TELO2: variants seen among roughly 807,000 people sequenced by gnomAD.
TELO2 encodes the protein telomere maintenance 2.
Under a neutral mutation model 91.0 loss-of-function variants are expected in TELO2, and 71 were observed. That is an observed-to-expected ratio of 0.78 (90% CI 0.64 to 0.95). TELO2 has a LOEUF of 0.95. Ranked by LOEUF, TELO2 falls within the 40% of genes least tolerant of loss-of-function variation. TELO2 has a pLI of 0.00. For missense variants in TELO2, 1,183 were observed against 1,141.3 expected (o/e 1.04, Z -0.53); for synonymous variants, 584 against 518.9 (o/e 1.13, Z -1.71).
chr16:1,499,950 T>C, intron 6 of TELO2, 146 bp from the exon 7 acceptor site: 6 of 932,192 alleles, frequency 6.4e-6, no homozygotes, highest in Non-Finnish European at 9.4e-6. Flanking sequence ...GGGTCCCGCA[T>C]TCCAGGAGGC....
At chr16:1,507,791 T>TTG in intron 20 of TELO2, 75 bp downstream of exon 20, 1 of 946,612 alleles carries the variant, frequency 1.1e-6, no homozygotes, top group Non-Finnish European at 1.4e-6. Context: ...TGTGTGTGTG[T>TTG]GAGAGATGTG....
At chr16:1,504,434 A>T (rs1798383512) in intron 15 of TELO2, among the ~76,000 whole-genome samples, 1 of 85,994 alleles carries the variant, frequency 1.2e-5, no homozygotes, top group Non-Finnish European at 2.0e-5. Flanking sequence ...ACTCCATCTC[A>T]AAAAAAAAAA....
chr16:1,502,098 C>A lies in TELO2; in HGVS notation c.1524C>A (p.Ser508Arg), dbSNP rs749018550. The A allele has an allele frequency of 1.3e-5, 21 of 1,613,034 alleles. No individual in the cohort carries two copies. Among genetic ancestry groups the A allele is most frequent in the Middle Eastern group, 1.6e-4 (1 of 6,082 alleles). The change falls in exon 12 of 21, where the codon AGC becomes AGA. Residue 508 changes from serine to arginine, a missense_variant. Coordinates refer to ENST00000262319, the MANE Select transcript of TELO2 (RefSeq NM_016111.4). The stretch of plus-strand genomic sequence containing the variant: ...TGTCGGGGGACAGAGAGCTGAAGAG[C>A]AGCAAGGCTCCTGCCTACGTCCGGG... ...YDMSGDRELK[S>R]SKAPAYVRDC...
At position 1,505,536 on chromosome 16, in the gene TELO2, G is replaced by T. The variant is rs144491833; in HGVS notation, c.1969G>T (p.Val657Leu). The T allele has an allele frequency of 1.2e-6, 2 of 1,613,094 alleles. No individual in the cohort carries two copies. The highest frequency in any genetic ancestry group is 1.7e-6 in the Non-Finnish European group (2 of 1,179,974). Residue 657 changes from valine to leucine, a missense_variant, in exon 16 of 21, where the codon GTG (valine) becomes TTG (leucine). Physicochemically the swap from Val to Leu is conservative, Grantham distance 32. Coordinates refer to ENST00000262319, the MANE Select transcript of TELO2 (RefSeq NM_016111.4). The surrounding 1 kb of genome is among the most constrained non-coding windows in gnomAD (Gnocchi z 4.3). ...EAAVSQPGSA[V>L]ASDWRVVVEE... ...AGCCGTCTCTCAGCCTGGCAGTGCC[G>T]TGGCGTCTGACTGGCGGGTGGTGGT...
At position 1,494,875 on chromosome 16, in the gene TELO2, C is replaced by T. The variant is rs1489788562; in HGVS notation, c.335+259C>T. Among the ~76,000 whole-genome samples, 2 of 152,176 alleles carry T rather than the reference C, an allele frequency of 1.3e-5. No homozygotes were observed. The highest frequency in any genetic ancestry group is 2.4e-5 in the African/African-American group (1 of 41,428). ...GGGATGGGGTGGGAGTGTTCACATC[C>T]CAGGCGGCAGAGGCAGCCCGTCAGC... is the stretch of plus-strand genomic sequence containing the variant. On this transcript the variant is annotated intron_variant, in intron 2 of 20. Transcript: ENST00000262319. The surrounding 1 kb of genome is among the most constrained non-coding windows in gnomAD (Gnocchi z 5.6).
rs772446584 is a variant in TELO2, at chr16:1,505,515, GTC to G, written c.1953_1954del (p.Gln652AlafsTer8). Reference sequence around the variant, plus strand: ...CACCCCGTGCCTGCCAGAGGCAGCCGTCTCTCAGCCTGGCAGTGCCGTGGCGT... The same window carrying G: ...CACCCCGTGCCTGCCAGAGGCAGCCGTCTCAGCCTGGCAGTGCCGTGGCGT... ...PNTPCLPEAAVSQPGSAVASD... is the reference protein window; with the variant it reads ...PNTPCLPEAAXSQPGSAVASD... On this transcript the variant is annotated frameshift_variant, in exon 16 of 21. Transcript: ENST00000262319. LOFTEE classifies it high-confidence loss of function. This position sits in a 1 kb window ranked among gnomAD's most constrained non-coding sequence, Gnocchi z 4.3. The G allele has an allele frequency of 2.5e-6, 4 of 1,613,070 alleles. No homozygotes were observed. Among genetic ancestry groups the G allele is most frequent in the Non-Finnish European group, 3.4e-6 (4 of 1,179,982 alleles).
At chr16:1,508,546 G>A (rs1245759134) in intron 20 of TELO2, among the ~76,000 whole-genome samples, 3 of 152,240 alleles carry the variant, frequency 2.0e-5, no homozygotes, top group Non-Finnish European at 4.4e-5. Context: ...GGAGGGTCCC[G>A]GGTGATACGG....
chr16:1,503,083 GT>G lies in TELO2; in HGVS notation c.1842+83del. 14 of 1,519,044 alleles carry G rather than the reference GT, an allele frequency of 9.2e-6. No individual in the cohort carries two copies. In the South Asian group the frequency reaches 1.3e-4, roughly 15 times the overall value. The allele number at this position is 1,519,044 out of a possible 1,614,324, so 94.1% of individuals were successfully genotyped here. On this transcript the variant is annotated intron_variant, in intron 15 of 20. Transcript: ENST00000262319. ...GGGCTGCCAAAACCTGGGTCTCCTT[GT>G]TGCTGGGCCCCAAGGGCTCGTGCAG... is the stretch of plus-strand genomic sequence containing the variant.
At position 1,509,959 on chromosome 16, in the gene TELO2, C is replaced by T. The variant is rs765466964; in HGVS notation, c.*23C>T. ...TAGTCCCTGGAGGCCTCCCCAGGAC[C>T]ACCCTCGCCGACAGCAAGGCAGGCG... On this transcript the variant is annotated 3_prime_UTR_variant, in exon 21 of 21. Coordinates refer to ENST00000262319, the MANE Select transcript of TELO2 (RefSeq NM_016111.4). 1.3e-6 allele frequency: 2 copies of T among 1,562,286 alleles called. No individual in the cohort carries two copies. Among genetic ancestry groups the T allele is most frequent in the Admixed American group, 1.9e-5 (1 of 53,510 alleles).
At chr16:1,506,775 C>A in intron 17 of TELO2, 177 bp from the exon 18 acceptor site, 1 of 1,412,402 alleles carries the variant, frequency 7.1e-7, no homozygotes, top group Non-Finnish European at 9.2e-7. Flanking sequence ...GCCAGACAGC[C>A]CTGCAGGGGG....
intron 20 of TELO2, among the ~76,000 whole-genome samples, chr16:1,508,048 C>T (rs1440163037): frequency 6.6e-6 from 1 of 152,162 alleles, no homozygotes; most frequent in East Asian, 1.9e-4. Flanking sequence ...TCCTTTGGTC[C>T]TGATCCTAGA....
intron 13 of TELO2, 96 bp from the exon 14 acceptor site, chr16:1,502,549 C>G: frequency 6.5e-7 from 1 of 1,529,122 alleles, no homozygotes; most frequent in Non-Finnish European, 8.8e-7. Context: ...CCTGGGGCCT[C>G]TGCTGGGGTG....
At chr16:1,506,171 G>A (rs1014881806) in intron 16 of TELO2, 67 bp from the exon 17 acceptor site, 8 of 1,556,884 alleles carry the variant, frequency 5.1e-6, no homozygotes, top group South Asian at 1.1e-5. Context: ...GGATCCTCTC[G>A]GGCTAGGGGT....
intron 12 of TELO2, 21 bp from the exon 13 acceptor site, chr16:1,502,292 G>T: frequency 1.3e-6 from 2 of 1,588,724 alleles, no homozygotes; most frequent in Non-Finnish European, 1.7e-6. Flanking sequence ...GCTGACCGAG[G>T]CCTCTCTGGG....
chr16:1,499,806 G>A (rs2039612684), intron 6 of TELO2, among the ~76,000 whole-genome samples: 1 of 152,238 alleles, frequency 6.6e-6, no homozygotes, highest in African/African-American at 2.4e-5. Flanking sequence ...AACTTAAGAT[G>A]GCGAGGCCCT....
In TELO2 at chr16:1,505,314, C is replaced by A; in HGVS notation, c.1843-96C>A. 2 of 1,422,480 alleles carry A rather than the reference C, an allele frequency of 1.4e-6. No homozygotes were observed. Among genetic ancestry groups the A allele is most frequent in the Non-Finnish European group, 1.9e-6 (2 of 1,058,250 alleles). The allele number at this position is 1,422,480 out of a possible 1,614,324, so 88.1% of individuals were successfully genotyped here. A position where few individuals can be genotyped will look rare whatever the true frequency, so the allele number is the denominator to read the frequency against. The stretch of plus-strand genomic sequence containing the variant: ...CACACCTTCTCCCAGGCTGGGCGGG[C>A]CCCCGGGCCCGTTTCTGGGGCTTTG... On this transcript the variant is annotated intron_variant, in intron 15 of 20. Coordinates refer to ENST00000262319, the MANE Select transcript of TELO2 (RefSeq NM_016111.4). This position sits in a 1 kb window ranked among gnomAD's most constrained non-coding sequence, Gnocchi z 4.3.
chr16:1,510,001 G>T lies in TELO2; in HGVS notation c.*65G>T. 2.1e-6 allele frequency: 3 copies of T among 1,404,250 alleles called. No individual in the cohort carries two copies. Among genetic ancestry groups the T allele is most frequent in the Non-Finnish European group, 2.9e-6 (3 of 1,020,984 alleles). The allele number at this position is 1,404,250 out of a possible 1,614,324, so 87.0% of individuals were successfully genotyped here. A position where few individuals can be genotyped will look rare whatever the true frequency, so the allele number is the denominator to read the frequency against. On this transcript the variant is annotated 3_prime_UTR_variant, in exon 21 of 21. Transcript: ENST00000262319. ...AGGCAGGCGGCTGAGCAGCGGCCTGGAGCAGCAGAGCCAGGCTTTGTAGCG... is the reference window on the plus strand; with the variant it reads ...AGGCAGGCGGCTGAGCAGCGGCCTGTAGCAGCAGAGCCAGGCTTTGTAGCG...
chr16:1,510,083 C>G lies in TELO2; in HGVS notation c.*147C>G. On this transcript the variant is annotated 3_prime_UTR_variant, in exon 21 of 21. Transcript: ENST00000262319. ...GAGTGCAGATGCAGGAAGGCCCGGCCTGCCGCTATTTATAGTGCAGCCAGT... is the reference window on the plus strand; with the variant it reads ...GAGTGCAGATGCAGGAAGGCCCGGCGTGCCGCTATTTATAGTGCAGCCAGT... 1.5e-6 allele frequency: 1 copy of G among 665,822 alleles called. No homozygotes were observed. The highest frequency in any genetic ancestry group is 2.5e-6 in the Non-Finnish European group (1 of 393,026). The allele number at this position is 665,822 out of a possible 1,614,324, so 41.2% of individuals were successfully genotyped here.
rs1236741413 is a variant in TELO2 at position 1,500,135 on chromosome 16, G to A, written c.973G>A (p.Asp325Asn). 1.9e-6 allele frequency: 3 copies of A among 1,607,932 alleles called. No individual in the cohort carries two copies. The highest frequency in any genetic ancestry group is 2.5e-6 in the Non-Finnish European group (3 of 1,179,402). ...GAGCCTGCTGGGCCATCTGGCCATG[G>A]ACAGCCAGCGGCGCCCGCTCCTGCT... ...LQSLLGHLAM[D>N]SQRRPLLLQV... The change falls in exon 7 of 21, where the codon GAC becomes AAC. Residue 325 changes from aspartate to asparagine, a missense_variant. Asp to Asn is a conservative substitution (Grantham distance 23). Transcript: ENST00000262319.
Sources: allele counts gnomAD v4.1 joint callset (sites outside exome capture counted in the v4.1 genomes callset), GRCh38; gene constraint gnomAD v4.1.1; non-coding constraint Gnocchi (gnomAD v3.1); transcripts MANE v1.5; gene names NCBI Gene and HGNC (gene_info 2026-07-23, HGNC 2026-07-21).